HPSE2: variants seen among roughly 807,000 people sequenced by gnomAD.
HPSE2 encodes the protein heparanase 2 (inactive).
HPSE2 carries 38 observed loss-of-function variants against 60.5 expected under a neutral mutation model. The observed-to-expected ratio is 0.63, with a 90% CI of 0.48 to 0.82. The LOEUF (loss-of-function observed/expected upper bound fraction) is 0.82, where lower values mean the gene tolerates loss of function less well. Among genes scored for constraint, HPSE2 ranks in the 40% least tolerant of loss-of-function variants. The probability of loss-of-function intolerance (pLI) is 0.00; values close to 1 mark genes in which losing one functional copy is unlikely to be tolerated. For missense variants in HPSE2, 713 were observed against 740.4 expected (o/e 0.96, Z 0.43); for synonymous variants, 295 against 293.2 (o/e 1.01, Z -0.06).
intron 3 of HPSE2, among the ~76,000 whole-genome samples, chr10:99,019,225 T>C (rs1957208055): frequency 6.6e-6 from 1 of 152,202 alleles, no homozygotes; most frequent in Admixed American, 6.5e-5. Flanking sequence ...TTGGTTGCAA[T>C]GTGTTAGCTG....
At chr10:99,246,965 A>C in the HPSE2 span, among the ~76,000 whole-genome samples, 9 of 152,112 alleles carry the variant, frequency 5.9e-5, no homozygotes, top group Non-Finnish European at 2.9e-5. Flanking sequence ...ACTACCTCAC[A>C]ATCTGTTCTC....
intron 3 of HPSE2, among the ~76,000 whole-genome samples, chr10:98,864,630 T>TG (rs1364315891): frequency 6.6e-6 from 1 of 152,182 alleles, no homozygotes; most frequent in Non-Finnish European, 1.5e-5. Context: ...ACACTATACA[T>TG]GGTACATTTC....
chr10:99,314,289 G>A, the HPSE2 span, among the ~76,000 whole-genome samples: 129,899 of 151,572 alleles, frequency 0.86, 56,032 homozygotes, highest in African/African-American at 0.93. Context: ...CAGCTTCCCA[G>A]GTAGTTGGGA....
At chr10:98,697,276 C>A (rs115061892) in intron 5 of HPSE2, among the ~76,000 whole-genome samples, 1,941 of 152,258 alleles carry the variant, frequency 0.013, 40 homozygotes, top group African/African-American at 0.044. Flanking sequence ...GGTACAGGAG[C>A]TGCTAACTAC....
intron 7 of HPSE2, among the ~76,000 whole-genome samples, chr10:98,625,141 T>C (rs571891959): frequency 1.3e-5 from 2 of 152,368 alleles, no homozygotes; most frequent in East Asian, 3.9e-4. Context: ...ATACCTGCCC[T>C]TGCACAAGCT....
intron 9 of HPSE2, among the ~76,000 whole-genome samples, chr10:98,604,306 TA>T (rs67248335): frequency 0.23 from 33,414 of 144,452 alleles, 3,735 homozygotes; most frequent in African/African-American, 0.25. Flanking sequence ...AAGAAAGAAC[TA>T]AAAAAAAAAA....
chr10:99,084,684 CAAAA>C (rs993541218), intron 3 of HPSE2, among the ~76,000 whole-genome samples: 1 of 151,832 alleles, frequency 6.6e-6, no homozygotes, highest in Non-Finnish European at 1.5e-5. Flanking sequence ...AAGGCAAAAA[CAAAA>C]AAACAAAAAC....
chr10:98,641,102 C>T (rs961302440), intron 7 of HPSE2, among the ~76,000 whole-genome samples: 2 of 152,092 alleles, frequency 1.3e-5, no homozygotes, highest in East Asian at 3.9e-4. Context: ...TTCTAAGACA[C>T]CTAGGAACAG....
At chr10:99,312,077 T>C in the HPSE2 span, among the ~76,000 whole-genome samples, 1 of 152,164 alleles carries the variant, frequency 6.6e-6, no homozygotes, top group Non-Finnish European at 1.5e-5. Flanking sequence ...CCAGGAAAAG[T>C]TGGGACTAGT....
At chr10:98,909,950 T>C (rs1953934318) in intron 3 of HPSE2, among the ~76,000 whole-genome samples, 1 of 152,174 alleles carries the variant, frequency 6.6e-6, no homozygotes. Flanking sequence ...AAAAAACTGT[T>C]AACAGAGATG....
chr10:99,213,541 G>A (rs1849020039), intron 2 of HPSE2, among the ~76,000 whole-genome samples: 2 of 151,948 alleles, frequency 1.3e-5, no homozygotes, highest in Admixed American at 1.3e-4. Flanking sequence ...TCAGTTTGAG[G>A]CATATATCTT....
chr10:99,058,293 C>T (rs1389788471), intron 3 of HPSE2, among the ~76,000 whole-genome samples: 1 of 152,156 alleles, frequency 6.6e-6, no homozygotes, highest in Non-Finnish European at 1.5e-5. Context: ...CTCAAAACAG[C>T]TTCAAATGTT....
At chr10:98,904,681 G>C (rs750589517) in intron 3 of HPSE2, among the ~76,000 whole-genome samples, 1 of 152,124 alleles carries the variant, frequency 6.6e-6, no homozygotes, top group Non-Finnish European at 1.5e-5. Context: ...TAGAATGGTG[G>C]CTTCTGGTAA....
intron 9 of HPSE2, among the ~76,000 whole-genome samples, chr10:98,599,643 G>A (rs972766280): frequency 1.3e-5 from 2 of 152,296 alleles, no homozygotes; most frequent in Non-Finnish European, 2.9e-5. Context: ...TCCCCCAAGT[G>A]CAGGGTATCT....
At chr10:99,246,468 C>A in the HPSE2 span, among the ~76,000 whole-genome samples, 1 of 152,122 alleles carries the variant, frequency 6.6e-6, no homozygotes, top group African/African-American at 2.4e-5. Context: ...AATTTGTGGC[C>A]GTGCGTGATG....
intron 3 of HPSE2, among the ~76,000 whole-genome samples, chr10:98,886,881 G>A (rs1590014685): frequency 6.6e-6 from 1 of 152,046 alleles, no homozygotes; most frequent in African/African-American, 2.4e-5. Flanking sequence ...ATGAATCATG[G>A]GTCTGGCATT....
the HPSE2 span, among the ~76,000 whole-genome samples, chr10:99,295,090 T>C: frequency 6.6e-6 from 1 of 152,222 alleles, no homozygotes; most frequent in African/African-American, 2.4e-5. Context: ...TTAAGCTAAA[T>C]ACTTATCAGT....
chr10:99,181,063 A>C (rs904454712), intron 2 of HPSE2, among the ~76,000 whole-genome samples: 3 of 152,116 alleles, frequency 2.0e-5, no homozygotes, highest in African/African-American at 7.2e-5. Flanking sequence ...AGCAATTCTA[A>C]TACTGGATAT....
chr10:98,909,132 A>T lies in HPSE2; in HGVS notation c.611-165076T>A, dbSNP rs146934573. On this transcript the variant is annotated intron_variant, in intron 3 of 11. Coordinates refer to ENST00000370552, the MANE Select transcript of HPSE2 (RefSeq NM_021828.5). ...AAATATCCTGGGTTCCTGACGCTTG[A>T]AAGACAGTCACACAGGAAAGGCCTT... 1.7e-3 allele frequency among the ~76,000 whole-genome samples: 261 copies of T among 152,270 alleles called. 1 individual carries two copies. Among genetic ancestry groups the T allele is most frequent in the African/African-American group, 5.8e-3 (243 of 41,572 alleles).
Sources: gnomAD v4.1 joint callset for allele counts (sites outside exome capture counted in the v4.1 genomes callset) on GRCh38, gnomAD v4.1.1 for gene constraint, MANE v1.5 for transcripts, NCBI Gene and HGNC (gene_info 2026-07-23, HGNC 2026-07-21) for gene names.